DENND1C: variants seen among roughly 807,000 people sequenced by gnomAD.
The protein encoded by DENND1C is DENN domain-containing protein 1C.
Under a neutral mutation model 87.9 loss-of-function variants are expected in DENND1C, and 64 were observed. That is an observed-to-expected ratio of 0.73 (90% CI 0.60 to 0.90). The LOEUF (loss-of-function observed/expected upper bound fraction) is 0.90, where lower values mean the gene tolerates loss of function less well. Ranked by LOEUF, DENND1C falls within the 40% of genes least tolerant of loss-of-function variation. The pLI is 0.00. For synonymous variants in DENND1C, 384 were observed against 424.4 expected (o/e 0.90, Z 1.17); for missense variants, 980 against 1,037.0 (o/e 0.95, Z 0.76).
intron 13 of DENND1C, 33 bp from the exon 14 acceptor site, chr19:6,475,432 G>GGT: frequency 6.2e-7 from 1 of 1,613,208 alleles, no homozygotes; most frequent in Non-Finnish European, 8.5e-7. Context: ...TGAGTGGGCA[G>GGT]GTGTGGGCCC....
chr19:6,471,343 G>T, intron 16 of DENND1C, 38 bp from the exon 17 acceptor site: 1 of 1,593,430 alleles, frequency 6.3e-7, no homozygotes, highest in Non-Finnish European at 8.5e-7. Context: ...ACCGAAGGCT[G>T]GCTGAGGCTG....
In DENND1C at chr19:6,470,311, T is replaced by C. The variant is rs1372819582; in HGVS notation, c.1346A>G (p.Lys449Arg). The change falls in exon 18 of 23, where the codon AAG becomes AGG. Residue 449 changes from lysine (K) to arginine (R), a missense_variant. By Grantham distance (26) the Lys-to-Arg change is conservative. Transcript: ENST00000381480. ...SVKAKTQPAV[K>R]NMYRSAKSGL... The stretch of plus-strand genomic sequence containing the variant: ...CAGCCTCACCGAGCGGTACATGTTC[T>C]TGACGGCTGGTTGGGTCTTGGCCTT... The C allele has an allele frequency of 2.5e-6, 4 of 1,611,630 alleles. No individual in the cohort carries two copies. The highest frequency in any genetic ancestry group is 3.4e-6 in the Non-Finnish European group (4 of 1,179,042).
intron 14 of DENND1C, among the ~76,000 whole-genome samples, chr19:6,473,816 G>GGGGGGGGGGGGGGGGGGGGGGGGA (rs1231177042): frequency 2.3e-5 from 3 of 131,588 alleles, no homozygotes; most frequent in Non-Finnish European, 4.8e-5. Context: ...GGGGGGTGGG[G>GGGGGGGGGGGGGGGGGGGGGGGGA]GGAGGGAAAT....
chr19:6,468,249 G>C lies in DENND1C; in HGVS notation c.1776C>G (p.Asp592Glu), dbSNP rs1266967815. Residue 592 changes from aspartate to glutamate, a missense_variant, in exon 22 of 23, where the codon GAC (aspartate) becomes GAG (glutamate). Physicochemically the swap from Asp to Glu is conservative, Grantham distance 45 (BLOSUM62 2). Coordinates refer to ENST00000381480, the MANE Select transcript of DENND1C (RefSeq NM_024898.4). The stretch of plus-strand genomic sequence containing the variant: ...AGGCTCTCACCAGGCTGAAGCAGCT[G>C]TCCAGGTCTCCTCTGTGACAGCAGT... ...SLDCCHRGDL[D>E]SCFSLPNIPR... The C allele has an allele frequency of 1.7e-5, 28 of 1,613,354 alleles. No individual in the cohort carries two copies. The highest frequency in any genetic ancestry group is 2.3e-5 in the Non-Finnish European group (27 of 1,179,664).
chr19:6,473,816 G>GGGGGGGGGGGGGGGGA (rs1231177042), intron 14 of DENND1C, among the ~76,000 whole-genome samples: 46 of 131,560 alleles, frequency 3.5e-4, no homozygotes, highest in Admixed American at 4.8e-4. Context: ...GGGGGGTGGG[G>GGGGGGGGGGGGGGGGA]GGAGGGAAAT....
chr19:6,470,185 T>C, intron 18 of DENND1C, 110 bp downstream of exon 18: 1 of 1,072,372 alleles, frequency 9.3e-7, no homozygotes, highest in South Asian at 1.4e-5. Flanking sequence ...ATCATTTGTG[T>C]TTAAAGTGTC....
At chr19:6,479,131 T>C in intron 4 of DENND1C, 75 bp from the exon 5 acceptor site, 2 of 1,589,990 alleles carry the variant, frequency 1.3e-6, no homozygotes, top group Middle Eastern at 2.0e-4. Context: ...CCAACAAAGC[T>C]CCTAGGACCC....
chr19:6,474,213 AAAGAAG>A (rs375154421), intron 14 of DENND1C, among the ~76,000 whole-genome samples: 1 of 145,494 alleles, frequency 6.9e-6, no homozygotes, highest in African/African-American at 2.5e-5. Context: ...AAAAAAAAAA[AAAGAAG>A]AAGAAGAAGA....
At chr19:6,475,972 T>G (rs2092857636) in intron 10 of DENND1C, 35 bp from the exon 11 acceptor site, 1 of 1,512,674 alleles carries the variant, frequency 6.6e-7, no homozygotes, top group Admixed American at 2.4e-5. Flanking sequence ...AGTCAGGGCC[T>G]GGACCCTCTA....
At chr19:6,471,360 C>G in intron 16 of DENND1C, 46 bp downstream of exon 16, 1 of 1,588,038 alleles carries the variant, frequency 6.3e-7, no homozygotes, top group Non-Finnish European at 8.6e-7. Flanking sequence ...GCTGGGGGTG[C>G]TGGTGGCGGG....
chr19:6,469,725 T>C (rs74772168), intron 18 of DENND1C, 85 bp from the exon 19 acceptor site: 1 of 912,766 alleles, frequency 1.1e-6, no homozygotes, highest in Non-Finnish European at 1.5e-6. Context: ...CTAAGATAGC[T>C]TTTTTTTTTG....
In DENND1C at chr19:6,468,967, A is replaced by G. The variant is rs765268365; in HGVS notation, c.1408-14T>C. ...AGAGTCCCCATCCTAGGAAGAGAAGAGTGAACTGGGAACCTCTGCCACAGA... is the reference window on the plus strand; with the variant it reads ...AGAGTCCCCATCCTAGGAAGAGAAGGGTGAACTGGGAACCTCTGCCACAGA... On this transcript the variant is annotated splice_polypyrimidine_tract_variant and intron_variant, in intron 19 of 22. Coordinates refer to ENST00000381480, the MANE Select transcript of DENND1C (RefSeq NM_024898.4). The G allele has an allele frequency of 3.2e-5, 44 of 1,371,670 alleles. No homozygotes were observed. In the South Asian group the frequency reaches 8.8e-4, roughly 27 times the overall value. 85.0% of individuals were successfully genotyped at this position (1,371,670 alleles called of 1,614,324 possible).
Position 6,470,341 on chromosome 19 carries a change from G to A in DENND1C, c.1316C>T (p.Ser439Leu). The A allele has an allele frequency of 1.9e-6, 3 of 1,612,934 alleles. No homozygotes were observed. The South Asian group carries it at 3.3e-5, about 18-fold the overall frequency. The change falls in exon 18 of 23, where the codon TCA (serine) becomes TTA (leucine). Residue 439 changes from serine (S) to leucine (L), a missense_variant. Coordinates refer to ENST00000381480, the MANE Select transcript of DENND1C (RefSeq NM_024898.4). ...GGCTGGTTGGGTCTTGGCCTTGACTGAGTGCAGGAGGGCGCCACCACCTTT... is the reference window on the plus strand; with the variant it reads ...GGCTGGTTGGGTCTTGGCCTTGACTAAGTGCAGGAGGGCGCCACCACCTTT... ...LKKGGGALLH[S>L]VKAKTQPAVK...
At position 6,471,430 on chromosome 19, in the gene DENND1C, TCTC is replaced by T. The variant is rs774558415; in HGVS notation, c.1222_1224del (p.Glu408del). The T allele has an allele frequency of 1.9e-6, 3 of 1,587,546 alleles. No homozygotes were observed. The highest frequency in any genetic ancestry group is 1.8e-5 in the Admixed American group (1 of 55,942). ...CCTGAGGAGGCCCCGCAGCCAGTGA[TCTC>T]CTGCTCGAATTGATCTGAGAAGCCC... On this transcript the variant is annotated inframe_deletion, in exon 16 of 23. Coordinates refer to ENST00000381480, the MANE Select transcript of DENND1C (RefSeq NM_024898.4).
rs966145472 is a variant in DENND1C, at chr19:6,468,247, C to T, written c.1778G>A (p.Ser593Asn). The change falls in exon 22 of 23, where the codon AGC becomes AAC. Residue 593 changes from serine (S) to asparagine (N), a missense_variant. Coordinates refer to ENST00000381480, the MANE Select transcript of DENND1C (RefSeq NM_024898.4). ...LDCCHRGDLD[S>N]CFSLPNIPRW... ...CGAGGCTCTCACCAGGCTGAAGCAGCTGTCCAGGTCTCCTCTGTGACAGCA... is the reference window on the plus strand; with the variant it reads ...CGAGGCTCTCACCAGGCTGAAGCAGTTGTCCAGGTCTCCTCTGTGACAGCA... 1 of 1,613,250 alleles carries T rather than the reference C, an allele frequency of 6.2e-7. No homozygotes were observed. Among genetic ancestry groups the T allele is most frequent in the African/African-American group, 1.3e-5 (1 of 74,864 alleles).
rs569876475 is a variant in DENND1C at position 6,479,566 on chromosome 19, G to A, written c.176+103C>T. The A allele has an allele frequency of 1.1e-4, 159 of 1,455,132 alleles. No individual in the cohort carries two copies. In the African/African-American group the frequency reaches 1.9e-3, roughly 18 times the overall value. 90.1% of individuals were successfully genotyped at this position (1,455,132 alleles called of 1,614,324 possible). Reference sequence around the variant, plus strand: ...TGAGTCTCTGAGTCTCAGGGTCCTCGAGTGTATGGGTTTCCAGATGTCTGA... The same window carrying A: ...TGAGTCTCTGAGTCTCAGGGTCCTCAAGTGTATGGGTTTCCAGATGTCTGA... On this transcript the variant is annotated intron_variant, in intron 4 of 22. Transcript: ENST00000381480.
Position 6,479,902 on chromosome 19 carries a change from T to C in DENND1C, c.83A>G (p.Asp28Gly), listed in dbSNP as rs1364000721. The C allele has an allele frequency of 6.2e-7, 1 of 1,603,102 alleles. No individual in the cohort carries two copies. Among genetic ancestry groups the C allele is most frequent in the African/African-American group, 1.3e-5 (1 of 74,582 alleles). Reference sequence around the variant, plus strand: ...AGGGAACTGCCGCAGGATGGGGGGATCTGTAGAAGAGAGCACGCCTCTAAG... The same window carrying C: ...AGGGAACTGCCGCAGGATGGGGGGACCTGTAGAAGAGAGCACGCCTCTAAG... Reference protein sequence around the residue: ...EAACPASLQEDPPILRQFPPD... With the variant: ...EAACPASLQEGPPILRQFPPD... The change falls in exon 3 of 23, where the codon GAT becomes GGT. Residue 28 changes from aspartate to glycine, a missense_variant and splice_region_variant. Coordinates refer to ENST00000381480, the MANE Select transcript of DENND1C (RefSeq NM_024898.4).
intron 1 of DENND1C, among the ~76,000 whole-genome samples, chr19:6,480,898 C>A (rs1270461925): frequency 6.6e-6 from 1 of 152,010 alleles, no homozygotes; most frequent in Non-Finnish European, 1.5e-5. Context: ...GTCACTGCAT[C>A]TAGCCATGCC....
chr19:6,470,148 T>C (rs2092819421), intron 18 of DENND1C, 147 bp downstream of exon 18: 9 of 752,262 alleles, frequency 1.2e-5, no homozygotes, highest in Non-Finnish European at 8.6e-6. Context: ...TTGTTAATGG[T>C]TTAACTGCTG....
Sources: gnomAD v4.1 joint callset for allele counts (sites outside exome capture counted in the v4.1 genomes callset) on GRCh38, gnomAD v4.1.1 for gene constraint, MANE v1.5 for transcripts, NCBI Gene and HGNC (gene_info 2026-07-23, HGNC 2026-07-21) for gene names.